Variants in GALNT14 observed in about 807,000 individuals in gnomAD.
GALNT14 encodes polypeptide N-acetylgalactosaminyltransferase 14, also known as UDP-GalNAc:polypeptide N-acetylgalactosaminyltransferase 14.
A neutral mutation model predicts 77.5 loss-of-function variants in GALNT14; 60 were observed. The ratio of observed to expected loss-of-function variants is 0.77; its 90% confidence interval spans 0.63 to 0.96. The LOEUF is 0.96. GALNT14 is among the 40% of genes least tolerant of loss of function. The pLI is 0.00. For synonymous variants in GALNT14, 280 were observed against 281.7 expected, an observed-to-expected ratio of 0.99 and a Z score of 0.06; for missense variants, 710 against 731.0, an observed-to-expected ratio of 0.97 and a Z score of 0.33.
chr2:30,912,462 A>C, intron 13 of GALNT14, 120 bp from the exon 14 acceptor site: 1 of 1,123,496 alleles, frequency 8.9e-7, no homozygotes, highest in Non-Finnish European at 1.3e-6. Context: ...GGGTCCCAGT[A>C]GGCAATGATC....
At chr2:30,975,542 G>C (rs1157319966) in intron 2 of GALNT14, among the ~76,000 whole-genome samples, 1 of 152,146 alleles carries the variant, frequency 6.6e-6, no homozygotes, top group African/African-American at 2.4e-5. Context: ...TTAGTATCTG[G>C]ATACATTGGA....
intron 13 of GALNT14, among the ~76,000 whole-genome samples, chr2:30,917,210 G>A (rs956031280): frequency 7.9e-5 from 12 of 151,892 alleles, no homozygotes; most frequent in African/African-American, 2.7e-4. Flanking sequence ...CTGGAGCAGC[G>A]GCTCTCGACT....
At chr2:31,040,833 C>A (rs1000801077) in intron 1 of GALNT14, among the ~76,000 whole-genome samples, 2 of 152,190 alleles carry the variant, frequency 1.3e-5, no homozygotes, top group Non-Finnish European at 2.9e-5. Flanking sequence ...TTGCACCCTA[C>A]GGTTGTGGCC....
Position 31,111,348 on chromosome 2 carries a change from C to T in GALNT14, c.129+26610G>A, listed in dbSNP as rs918661563. Among the ~76,000 whole-genome samples the T allele has an allele frequency of 8.5e-5, 13 of 152,322 alleles. No individual in the cohort carries two copies. In the South Asian group the frequency reaches 1.4e-3, roughly 17 times the overall value. On this transcript the variant is annotated intron_variant, in intron 1 of 14. Coordinates refer to ENST00000349752, the MANE Select transcript of GALNT14 (RefSeq NM_024572.4). ...GGCAAAAGGGCCAGGGCTTAGGCTT[C>T]GTTGCCATAATGCTGAGCACAGCAC...
chr2:31,065,789 C>T (rs946459733), intron 1 of GALNT14, among the ~76,000 whole-genome samples: 6 of 152,144 alleles, frequency 3.9e-5, no homozygotes, highest in Non-Finnish European at 8.8e-5. Flanking sequence ...TCCCTCCTGC[C>T]GGGTGTCTGA....
chr2:30,947,627 T>A (rs1216076528), intron 6 of GALNT14, among the ~76,000 whole-genome samples: 1 of 152,180 alleles, frequency 6.6e-6, no homozygotes, highest in Non-Finnish European at 1.5e-5. Context: ...AACCAGCAGG[T>A]CCCTGGGAAC....
chr2:30,927,724 G>C (rs150208778), intron 11 of GALNT14, among the ~76,000 whole-genome samples: 6 of 152,282 alleles, frequency 3.9e-5, no homozygotes, highest in South Asian at 2.1e-4. Flanking sequence ...CAGCGAAAGA[G>C]GGGGGTGGAC....
chr2:30,994,159 G>C (rs1669882858), intron 1 of GALNT14, among the ~76,000 whole-genome samples: 1 of 152,228 alleles, frequency 6.6e-6, no homozygotes, highest in African/African-American at 2.4e-5. Flanking sequence ...AGGGTTGTTG[G>C]TATGCTGGGG....
chr2:30,933,864 G>A (rs751235172), intron 9 of GALNT14, among the ~76,000 whole-genome samples: 12 of 152,184 alleles, frequency 7.9e-5, no homozygotes, highest in East Asian at 3.9e-4. Flanking sequence ...CTGGAATGCC[G>A]TCAGCATCAA....
intron 1 of GALNT14, among the ~76,000 whole-genome samples, chr2:31,083,697 G>C (rs1206198624): frequency 6.6e-6 from 1 of 152,214 alleles, no homozygotes; most frequent in Admixed American, 6.5e-5. Context: ...CCTTGGACGT[G>C]TCTTTGTGGA....
At chr2:31,076,627 ATAT>A (rs1225335378) in intron 1 of GALNT14, among the ~76,000 whole-genome samples, 1,425 of 120,044 alleles carry the variant, frequency 0.012, 12 homozygotes, top group East Asian at 0.039. Context: ...ATATATATAT[ATAT>A]TTTTTTTTTT....
intron 1 of GALNT14, chr2:31,078,993 T>C: frequency 7.8e-7 from 1 of 1,288,840 alleles, no homozygotes; most frequent in Non-Finnish European, 1.0e-6. Context: ...GCAGGGGAGC[T>C]ACAGTGGGCT....
intron 13 of GALNT14, among the ~76,000 whole-genome samples, chr2:30,916,975 G>A (rs554471055): frequency 6.6e-6 from 1 of 150,556 alleles, no homozygotes; most frequent in African/African-American, 2.4e-5. Context: ...TACTCAGGAG[G>A]CTGAAGAAGG....
rs530604791 is a variant in GALNT14 at position 31,123,176 on chromosome 2, C to T, written c.129+14782G>A. Among the ~76,000 whole-genome samples the T allele has an allele frequency of 2.0e-3, 153 of 76,226 alleles. 3 individuals are homozygous for T. The highest frequency in any genetic ancestry group is 0.018 in the South Asian group (22 of 1,242). 50.0% of individuals were successfully genotyped at this position (76,226 alleles called of 152,430 possible). A position where few individuals can be genotyped will look rare whatever the true frequency, so the allele number is the denominator to read the frequency against. On this transcript the variant is annotated intron_variant, in intron 1 of 14. Transcript: ENST00000349752. The stretch of plus-strand genomic sequence containing the variant: ...CAGCCTGGGCAACAGAGCGAGACTC[C>T]ATCTCAAAAAAAAAAAAAAAAAAAA...
At chr2:30,972,063 A>G (rs1026612887) in intron 2 of GALNT14, among the ~76,000 whole-genome samples, 16 of 152,242 alleles carry the variant, frequency 1.1e-4, no homozygotes, top group South Asian at 8.3e-4. Flanking sequence ...CATGGGAGAA[A>G]AGACTTGGTC....
At chr2:31,046,563 C>A (rs1558522675) in intron 1 of GALNT14, among the ~76,000 whole-genome samples, 1 of 152,112 alleles carries the variant, frequency 6.6e-6, no homozygotes, top group Non-Finnish European at 1.5e-5. Flanking sequence ...CACATATATA[C>A]ATCCAGGCCC....
chr2:30,969,132 A>G (rs1668191035), intron 2 of GALNT14, among the ~76,000 whole-genome samples: 1 of 152,192 alleles, frequency 6.6e-6, no homozygotes, highest in African/African-American at 2.4e-5. Context: ...GCAACAAGTC[A>G]CAGAGCTCAG....
chr2:30,950,817 CGAA>C (rs1553341774), intron 6 of GALNT14, among the ~76,000 whole-genome samples: 3 of 152,118 alleles, frequency 2.0e-5, no homozygotes, highest in Non-Finnish European at 4.4e-5. Flanking sequence ...CATTCGGAAA[CGAA>C]GAGATGAAGG....
At chr2:30,955,487 A>G (rs1667305099) in intron 6 of GALNT14, 131 bp downstream of exon 6, 1 of 1,253,182 alleles carries the variant, frequency 8.0e-7, no homozygotes, top group Admixed American at 2.3e-5. Flanking sequence ...CATCAATAAA[A>G]TCGGGACTGC....
Sources: gnomAD v4.1 joint callset for allele counts (sites outside exome capture counted in the v4.1 genomes callset) on GRCh38, gnomAD v4.1.1 for gene constraint, MANE v1.5 for transcripts, NCBI Gene and HGNC (gene_info 2026-07-23, HGNC 2026-07-21) for gene names.